The following CYTH3 variants were observed in gnomAD, a reference collection of about 807,000 sequenced individuals.
CYTH3 encodes cytohesin 3.
CYTH3 carries 23 observed loss-of-function variants against 55.1 expected under a neutral mutation model. That is an observed-to-expected ratio of 0.42 (90% CI 0.30 to 0.59). The LOEUF is 0.59. Ranked by LOEUF, CYTH3 falls within the 20% of genes least tolerant of loss-of-function variation. The pLI is 0.20. For synonymous variants in CYTH3, 249 were observed against 194.9 expected (o/e 1.28, Z -2.31); for missense variants, 413 against 524.8 (o/e 0.79, Z 2.08).
At chr7:6,191,012 G>A (rs1462374158) in intron 1 of CYTH3, among the ~76,000 whole-genome samples, 1 of 152,008 alleles carries the variant, frequency 6.6e-6, no homozygotes, top group African/African-American at 2.4e-5. Flanking sequence ...AGGAGGCGGA[G>A]GCTGCAGTGA....
intron 4 of CYTH3, among the ~76,000 whole-genome samples, chr7:6,179,638 TCACACACCCCACACCCCA>T (rs1783429882): frequency 5.2e-5 from 1 of 19,048 alleles, no homozygotes; most frequent in Non-Finnish European, 1.1e-4. Context: ...CACATACACC[TCACACACCCCACACCCCA>T]CACACACCCC....
chr7:6,173,344 T>C (rs1017236838), intron 6 of CYTH3, among the ~76,000 whole-genome samples: 2 of 152,090 alleles, frequency 1.3e-5, no homozygotes, highest in Non-Finnish European at 2.9e-5. Flanking sequence ...CGCCACGCCA[T>C]ACAGAGCTTG....
intron 1 of CYTH3, among the ~76,000 whole-genome samples, chr7:6,212,444 C>T (rs1445210534): frequency 6.6e-6 from 1 of 152,204 alleles, no homozygotes; most frequent in African/African-American, 2.4e-5. Context: ...TCCCCATCCC[C>T]AGGCACCCAC....
At chr7:6,204,507 T>C (rs1204901532) in intron 1 of CYTH3, among the ~76,000 whole-genome samples, 1 of 152,130 alleles carries the variant, frequency 6.6e-6, no homozygotes, top group African/African-American at 2.4e-5. Flanking sequence ...AAGGTGAGGA[T>C]TTTCTGCAAC....
chr7:6,202,456 AGTTT>A (rs1784077292), intron 1 of CYTH3, among the ~76,000 whole-genome samples: 1 of 137,700 alleles, frequency 7.3e-6, no homozygotes, highest in South Asian at 2.3e-4. Context: ...GGCCATTGCT[AGTTT>A]TTTTTTTTTT....
At chr7:6,179,800 C>CCACACACACCA (rs1326226164) in intron 4 of CYTH3, among the ~76,000 whole-genome samples, 6 of 122,972 alleles carry the variant, frequency 4.9e-5, no homozygotes, top group Non-Finnish European at 8.5e-5. Flanking sequence ...CACACACCCA[C>CCACACACACCA]CACACACACC....
At chr7:6,213,917 C>T (rs1351891350) in intron 1 of CYTH3, among the ~76,000 whole-genome samples, 2 of 152,126 alleles carry the variant, frequency 1.3e-5, no homozygotes, top group African/African-American at 4.8e-5. Context: ...CCACATAACG[C>T]ATCAGAGCAC....
At chr7:6,196,584 C>A (rs1250982395) in intron 1 of CYTH3, among the ~76,000 whole-genome samples, 2 of 151,150 alleles carry the variant, frequency 1.3e-5, no homozygotes, top group Non-Finnish European at 2.9e-5. Flanking sequence ...CCCAGCCTCA[C>A]AAGTAGCTGG....
rs1156776633 is a variant in CYTH3, at chr7:6,187,753, G to A, written c.118-32C>T. 3 of 1,596,030 alleles carry A rather than the reference G, an allele frequency of 1.9e-6. No homozygotes were observed. The South Asian group carries it at 3.3e-5, about 18-fold the overall frequency. On this transcript the variant is annotated intron_variant, in intron 2 of 12. Transcript: ENST00000350796. Reference sequence around the variant, plus strand: ...AAAAAGAAGAATTTCGAGGTGGGGAGTGGGTCTTAACCTTCCTCCCCTGAG... The same window carrying A: ...AAAAAGAAGAATTTCGAGGTGGGGAATGGGTCTTAACCTTCCTCCCCTGAG...
Position 6,170,766 on chromosome 7 carries a change from C to T in CYTH3, c.711+64G>A, listed in dbSNP as rs552418575. 5.7e-4 allele frequency: 889 copies of T among 1,570,954 alleles called. 6 individuals are homozygous for T. Among genetic ancestry groups the T allele is most frequent in the Admixed American group, 2.9e-4 (16 of 54,268 alleles). ...TGGGAGGCGTGTCTAGAGCCGCGGGCGCTGCGGCCGCTCACAGCGAAGAGA... is the reference window on the plus strand; with the variant it reads ...TGGGAGGCGTGTCTAGAGCCGCGGGTGCTGCGGCCGCTCACAGCGAAGAGA... On this transcript the variant is annotated intron_variant, in intron 8 of 12. Coordinates refer to ENST00000350796, the MANE Select transcript of CYTH3 (RefSeq NM_004227.4). The surrounding 1 kb of genome is among the most constrained non-coding windows in gnomAD (Gnocchi z 7.8).
chr7:6,220,178 T>G (rs1317271744), intron 1 of CYTH3, among the ~76,000 whole-genome samples: 2 of 152,032 alleles, frequency 1.3e-5, no homozygotes, highest in Non-Finnish European at 2.9e-5. Flanking sequence ...ATTACAGGGG[T>G]GAGCCACCGC....
chr7:6,259,789 AT>A (rs1190211591), intron 1 of CYTH3, among the ~76,000 whole-genome samples: 16 of 15,988 alleles, frequency 1.0e-3, no homozygotes, highest in Non-Finnish European at 1.1e-3. Context: ...TATATAATAT[AT>A]ATATATATAT....
chr7:6,249,725 G>A (rs1016952459), intron 1 of CYTH3, among the ~76,000 whole-genome samples: 3 of 151,994 alleles, frequency 2.0e-5, no homozygotes, highest in Admixed American at 6.5e-5. Flanking sequence ...CCCCACCTAC[G>A]TTGAGATACA....
At chr7:6,234,229 C>A (rs1779461140) in intron 1 of CYTH3, among the ~76,000 whole-genome samples, 1 of 152,150 alleles carries the variant, frequency 6.6e-6, no homozygotes, top group South Asian at 2.1e-4. Context: ...CACTGGAGAT[C>A]CCTGTTAACA....
At chr7:6,188,918 T>G (rs1054259559) in intron 2 of CYTH3, 45 of 152,358 alleles carry the variant, frequency 3.0e-4, no homozygotes, top group African/African-American at 1.1e-3. Flanking sequence ...ATGAATTACC[T>G]TTCAAATACA....
intron 4 of CYTH3, among the ~76,000 whole-genome samples, chr7:6,179,736 CA>C (rs1562881495): frequency 1.2e-4 from 13 of 111,288 alleles, no homozygotes; most frequent in African/African-American, 4.6e-4. Flanking sequence ...CACACACACC[CA>C]CCACACACAC....
intron 1 of CYTH3, among the ~76,000 whole-genome samples, chr7:6,206,837 C>A (rs969194781): frequency 8.6e-5 from 13 of 152,042 alleles, no homozygotes; most frequent in Non-Finnish European, 1.6e-4. Flanking sequence ...TCCTGTGGCT[C>A]TAAGATACAA....
At chr7:6,264,215 C>G (rs1329357734) in intron 1 of CYTH3, among the ~76,000 whole-genome samples, 1 of 151,802 alleles carries the variant, frequency 6.6e-6, no homozygotes, top group Non-Finnish European at 1.5e-5. Context: ...CCATTGCACT[C>G]CAGCCTGGGC....
At chr7:6,236,709 A>G (rs1197199222) in intron 1 of CYTH3, among the ~76,000 whole-genome samples, 2 of 152,054 alleles carry the variant, frequency 1.3e-5, no homozygotes, top group African/African-American at 4.8e-5. Flanking sequence ...TTACAGGCGC[A>G]TGCCACCACA....
Sources: gnomAD v4.1 joint callset for allele counts (sites outside exome capture counted in the v4.1 genomes callset) on GRCh38, gnomAD v4.1.1 for gene constraint, Gnocchi (gnomAD v3.1) non-coding constraint, MANE v1.5 for transcripts, NCBI Gene and HGNC (gene_info 2026-07-23, HGNC 2026-07-21) for gene names.